The following ZMAT4 variants were observed in gnomAD, a reference collection of about 807,000 sequenced individuals.
ZMAT4 encodes the protein zinc finger matrin-type 4, also known as zinc finger matrin-type protein 4.
In ZMAT4, 17 loss-of-function variants were observed where a neutral mutation model predicts 28.7. That is an observed-to-expected ratio of 0.59 (90% CI 0.41 to 0.89). The LOEUF is 0.89. Ranked by LOEUF, ZMAT4 falls within the 40% of genes least tolerant of loss-of-function variation. The pLI is 0.00. For synonymous variants in ZMAT4, 117 were observed against 109.2 expected (o/e 1.07, Z -0.44); for missense variants, 240 against 283.8 (o/e 0.85, Z 1.11).
At chr8:40,756,624 AGTGT>A (rs58686349) in intron 3 of ZMAT4, among the ~76,000 whole-genome samples, 3,611 of 139,350 alleles carry the variant, frequency 0.026, 98 homozygotes, top group East Asian at 0.094. Flanking sequence ...TATGTTTGTA[AGTGT>A]GTGTGTGTGT....
At chr8:40,801,841 G>A (rs1814863522) in intron 2 of ZMAT4, among the ~76,000 whole-genome samples, 1 of 152,040 alleles carries the variant, frequency 6.6e-6, no homozygotes, top group South Asian at 2.1e-4. Flanking sequence ...CAAAATATTA[G>A]CAAATTAAAT....
chr8:40,756,661 G>A (rs1451307620), intron 3 of ZMAT4, among the ~76,000 whole-genome samples: 2 of 116,920 alleles, frequency 1.7e-5, no homozygotes, highest in Non-Finnish European at 3.8e-5. Flanking sequence ...GTGTGTGTGT[G>A]TGTGTGTACT....
chr8:40,829,650 A>G (rs1318245421), intron 1 of ZMAT4, among the ~76,000 whole-genome samples: 1 of 152,208 alleles, frequency 6.6e-6, no homozygotes. Flanking sequence ...GTAAGAAGAG[A>G]CATACACACA....
intron 4 of ZMAT4, among the ~76,000 whole-genome samples, chr8:40,684,378 T>C (rs1809308807): frequency 6.6e-6 from 1 of 152,136 alleles, no homozygotes; most frequent in Non-Finnish European, 1.5e-5. Flanking sequence ...AACGTGGGCT[T>C]CCCTGACAGG....
intron 5 of ZMAT4, among the ~76,000 whole-genome samples, chr8:40,627,964 G>A (rs1265310384): frequency 1.3e-5 from 2 of 152,164 alleles, no homozygotes; most frequent in African/African-American, 4.8e-5. Context: ...AAGGGAATGT[G>A]GTGGAGTTAG....
At chr8:40,791,991 C>T (rs1365524284) in intron 2 of ZMAT4, among the ~76,000 whole-genome samples, 1 of 152,200 alleles carries the variant, frequency 6.6e-6, no homozygotes, top group Non-Finnish European at 1.5e-5. Context: ...CCACCCACAG[C>T]ATGCAATGAG....
At chr8:40,884,217 A>T (rs1416817304) in intron 1 of ZMAT4, among the ~76,000 whole-genome samples, 2 of 137,548 alleles carry the variant, frequency 1.5e-5, no homozygotes, top group African/African-American at 5.6e-5. Context: ...GCCTCTGGCT[A>T]CGGACTCCTC....
intron 5 of ZMAT4, among the ~76,000 whole-genome samples, chr8:40,635,271 C>T (rs1378632323): frequency 2.0e-5 from 3 of 152,130 alleles, no homozygotes; most frequent in Non-Finnish European, 4.4e-5. Context: ...TCATTGCTTC[C>T]GCTAGGGGCC....
chr8:40,532,949 C>T (rs554692147), intron 6 of ZMAT4, among the ~76,000 whole-genome samples: 18 of 151,142 alleles, frequency 1.2e-4, no homozygotes, highest in African/African-American at 4.4e-4. Context: ...TGCCACTGCA[C>T]TCCAGCCTGG....
chr8:40,859,276 C>A (rs147211663), intron 1 of ZMAT4, among the ~76,000 whole-genome samples: 20 of 152,308 alleles, frequency 1.3e-4, no homozygotes, highest in Middle Eastern at 3.4e-3. Context: ...GCTGTCCCCA[C>A]CCTTGTCAGC....
intron 3 of ZMAT4, among the ~76,000 whole-genome samples, chr8:40,733,428 T>A (rs540323451): frequency 6.6e-6 from 1 of 152,222 alleles, no homozygotes; most frequent in Non-Finnish European, 1.5e-5. Flanking sequence ...CTAGTCACAA[T>A]GTTAACTCAC....
At chr8:40,888,995 T>C (rs968150694) in intron 1 of ZMAT4, among the ~76,000 whole-genome samples, 1 of 152,172 alleles carries the variant, frequency 6.6e-6, no homozygotes, top group Non-Finnish European at 1.5e-5. Flanking sequence ...AAGAGCATGG[T>C]GTGGGGCAGT....
intron 6 of ZMAT4, among the ~76,000 whole-genome samples, chr8:40,534,216 A>G (rs1216738938): frequency 6.6e-6 from 1 of 152,210 alleles, no homozygotes; most frequent in Non-Finnish European, 1.5e-5. Flanking sequence ...ATAATGACAA[A>G]TTAAAATGTC....
chr8:40,582,853 A>G (rs1804536938), intron 5 of ZMAT4, among the ~76,000 whole-genome samples: 2 of 152,196 alleles, frequency 1.3e-5, no homozygotes, highest in African/African-American at 4.8e-5. Flanking sequence ...AGATGTTAAC[A>G]TGGAAACACT....
intron 2 of ZMAT4, chr8:40,786,553 G>A: frequency 4.1e-6 from 2 of 493,664 alleles, no homozygotes; most frequent in Non-Finnish European, 6.5e-6. Flanking sequence ...AAGTATTTTG[G>A]TTGAGTTATT....
At chr8:40,777,831 A>G (rs546441865) in intron 2 of ZMAT4, among the ~76,000 whole-genome samples, 29 of 152,178 alleles carry the variant, frequency 1.9e-4, no homozygotes, top group Non-Finnish European at 3.7e-4. Flanking sequence ...AGCTCCCCCA[A>G]CATACTCTGA....
At chr8:40,533,326 C>CA (rs1232864477) in intron 6 of ZMAT4, among the ~76,000 whole-genome samples, 1 of 152,158 alleles carries the variant, frequency 6.6e-6, no homozygotes, top group Non-Finnish European at 1.5e-5. Context: ...AGCTTGTTGA[C>CA]ATCTTCTGCC....
At chr8:40,690,464 T>C (rs1339489902) in intron 4 of ZMAT4, among the ~76,000 whole-genome samples, 2 of 152,194 alleles carry the variant, frequency 1.3e-5, no homozygotes, top group Non-Finnish European at 2.9e-5. Flanking sequence ...CCTCAGAACA[T>C]GCCAGCTTTC....
intron 6 of ZMAT4, among the ~76,000 whole-genome samples, chr8:40,559,774 C>A (rs73675527): frequency 2.6e-5 from 4 of 152,050 alleles, no homozygotes; most frequent in Admixed American, 2.0e-4. Context: ...CACACACATG[C>A]GAATACACAT....
Sources: gnomAD v4.1 joint callset for allele counts (sites outside exome capture counted in the v4.1 genomes callset) on GRCh38, gnomAD v4.1.1 for gene constraint, MANE v1.5 for transcripts, NCBI Gene and HGNC (gene_info 2026-07-23, HGNC 2026-07-21) for gene names.